The following MICAL1 variants were observed in gnomAD, a reference collection of about 807,000 sequenced individuals.
MICAL1 encodes the protein [F-actin]-monooxygenase MICAL1.
Under a neutral mutation model 131.8 loss-of-function variants are expected in MICAL1, and 95 were observed. The ratio of observed to expected loss-of-function variants is 0.72; its 90% CI spans 0.61 to 0.86. MICAL1 has a LOEUF of 0.86. Among genes scored for constraint, MICAL1 ranks in the 40% least tolerant of loss-of-function variants. The pLI, the probability that MICAL1 is intolerant of heterozygous loss-of-function variation, is 0.00. For synonymous variants in MICAL1, 546 were observed against 554.2 expected, an observed-to-expected ratio of 0.99 and a Z score of 0.21; for missense variants, 1,292 against 1,380.6, an observed-to-expected ratio of 0.94 and a Z score of 1.02.
In MICAL1 at chr6:109,445,587, G is replaced by A. The variant is rs190431572; in HGVS notation, c.2674-58C>T. The A allele has an allele frequency of 1.8e-5, 28 of 1,595,230 alleles. No individual in the cohort carries two copies. In the Admixed American group the frequency reaches 2.5e-4, roughly 14 times the overall value. Reference sequence around the variant, plus strand: ...CCTGGGCCCCCTGGTGGATAGGAGTGTTGTTTGGAAAGGCAGAAAATAACC... The same window carrying A: ...CCTGGGCCCCCTGGTGGATAGGAGTATTGTTTGGAAAGGCAGAAAATAACC... On this transcript the variant is annotated intron_variant, in intron 20 of 24. Coordinates refer to ENST00000358807, the MANE Select transcript of MICAL1 (RefSeq NM_022765.4).
intron 16 of MICAL1, 29 bp downstream of exon 16, chr6:109,447,306 CCTGCCCTGCCCTCCCCGGGCCT>C (rs772922476): frequency 3.7e-6 from 6 of 1,613,852 alleles, no homozygotes; most frequent in Non-Finnish European, 5.1e-6. Flanking sequence ...ATGAAACGCC[CCTGCCCTGCCCTCCCCGGGCCT>C]CTGCCTGCAC....
chr6:109,449,666 G>T lies in MICAL1; in HGVS notation c.1425C>A (p.Thr475=). ...GTGTCGGGGGTCTGACCTGATTGGG[G>T]GTCACTGCCCGGAGGTTCAGGTTGG... ...RYPNLNLRAV[T]PNQVRDLYDV... The change falls in exon 10 of 25, where the codon ACC becomes ACA. Residue 475 remains threonine (T), a synonymous_variant. Coordinates refer to ENST00000358807, the MANE Select transcript of MICAL1 (RefSeq NM_022765.4). 1 of 1,581,866 alleles carries T rather than the reference G, an allele frequency of 6.3e-7. No individual in the cohort carries two copies.
At chr6:109,451,920 G>T in intron 6 of MICAL1, 1 of 1,387,666 alleles carries the variant, frequency 7.2e-7, no homozygotes, top group Non-Finnish European at 9.3e-7. Context: ...TTGGAGGGGG[G>T]TGGCATTTGG....
chr6:109,447,791 C>T, intron 14 of MICAL1, 69 bp from the exon 15 acceptor site: 1 of 1,612,360 alleles, frequency 6.2e-7, no homozygotes, highest in Non-Finnish European at 8.5e-7. Context: ...TTCTGAATGT[C>T]CTCACCATCA....
Position 109,444,729 on chromosome 6 carries a change from C to T in MICAL1, c.3051G>A (p.Arg1017=). ...TTCTCCCCACATTTCACCTACCTTC[C>T]CGGTTCATGTAGCCTCGTAGCTCCT... is the stretch of plus-strand genomic sequence containing the variant. ...LDQELRGYMN[R]EENLKTAADR... Residue 1017 remains arginine (R), a synonymous_variant, in exon 24 of 25, where the codon CGG becomes CGA. Coordinates refer to ENST00000358807, the MANE Select transcript of MICAL1 (RefSeq NM_022765.4). 1 of 1,614,092 alleles carries T rather than the reference C, an allele frequency of 6.2e-7. No homozygotes were observed. Among genetic ancestry groups the T allele is most frequent in the Non-Finnish European group, 8.5e-7 (1 of 1,180,022 alleles).
In MICAL1 at chr6:109,447,884, G is replaced by C; in HGVS notation, c.1935C>G (p.Ser645=). The C allele has an allele frequency of 6.2e-7, 1 of 1,613,318 alleles. No homozygotes were observed. Among genetic ancestry groups the C allele is most frequent in the South Asian group, 1.1e-5 (1 of 90,998 alleles). Residue 645 remains serine, a synonymous_variant, in exon 14 of 25, where the codon TCC becomes TCG. Transcript: ENST00000358807. ...LSKLQRTLQR[S]RAKENAEDAG... is the part of the protein sequence containing the mutation. ...TGCCTAAACTCTCCACCTTGGCCCG[G>C]GATCGCTGCAGGGTCCTCTGAAGTT... is the stretch of plus-strand genomic sequence containing the variant.
At position 109,455,711 on chromosome 6, in the gene MICAL1, C is replaced by T. The variant is rs1347044517; in HGVS notation, c.-44+8G>A. 4 of 982,490 alleles carry T rather than the reference C, an allele frequency of 4.1e-6. No individual in the cohort carries two copies. Among genetic ancestry groups the T allele is most frequent in the Non-Finnish European group, 4.8e-6 (4 of 829,640 alleles). 60.9% of individuals were successfully genotyped at this position (982,490 alleles called of 1,614,324 possible). On this transcript the variant is annotated splice_region_variant and intron_variant, in intron 1 of 24. Coordinates refer to ENST00000358807, the MANE Select transcript of MICAL1 (RefSeq NM_022765.4). The surrounding 1 kb of genome is among the most constrained non-coding windows in gnomAD (Gnocchi z 4.7). ...GGGGCTCGCAGCCGGCTCCGCTGGA[C>T]GACTTACCGGCGGCTCCGAAGCCGG...
intron 20 of MICAL1, 35 bp downstream of exon 20, chr6:109,445,736 G>GGAGGAACTGAGAAGAATGGAGC: frequency 6.3e-7 from 1 of 1,594,438 alleles, no homozygotes; most frequent in Non-Finnish European, 8.6e-7. Flanking sequence ...TAGTGGGCTG[G>GGAGGAACTGAGAAGAATGGAGC]AGAGCGTTTT....
rs1775109314 is a variant in MICAL1, at chr6:109,444,339, T to C, written c.3056A>G (p.Glu1019Gly). Reference sequence around the variant, plus strand: ...CCGATCAGCAGCTGTCTTTAGGTTTTCTAAAAGGAGGAGACAAAGCTTAGA... The same window carrying C: ...CCGATCAGCAGCTGTCTTTAGGTTTCCTAAAAGGAGGAGACAAAGCTTAGA... Reference protein sequence around the residue: ...QELRGYMNREENLKTAADRQA... With the variant: ...QELRGYMNREGNLKTAADRQA... The change falls in exon 25 of 25, where the codon GAA (glutamate) becomes GGA (glycine). Residue 1019 changes from glutamate (E) to glycine (G), a missense_variant and splice_region_variant. Transcript: ENST00000358807. 6.2e-7 allele frequency: 1 copy of C among 1,613,368 alleles called. No homozygotes were observed. Among genetic ancestry groups the C allele is most frequent in the African/African-American group, 1.3e-5 (1 of 75,030 alleles).
chr6:109,451,285 C>T (rs1455109833), intron 7 of MICAL1, among the ~76,000 whole-genome samples: 3 of 152,070 alleles, frequency 2.0e-5, no homozygotes, highest in Admixed American at 6.6e-5. Flanking sequence ...TCCCTAGTAG[C>T]TGGGATTACA....
Position 109,452,580 on chromosome 6 carries a change from G to A in MICAL1, c.607C>T (p.Pro203Ser), listed in dbSNP as rs1775588942. 7 of 1,613,606 alleles carry A rather than the reference G, an allele frequency of 4.3e-6. No homozygotes were observed. Among genetic ancestry groups the A allele is most frequent in the Non-Finnish European group, 5.1e-6 (6 of 1,179,922 alleles). Reference protein sequence around the residue: ...GWRAQLQPNPPAQLANYEFDV... With the variant: ...GWRAQLQPNPSAQLANYEFDV... ...AATTCATAGTTGGCCAGCTGGGCAG[G>A]GGGGTTGGGTTGGAGCTGGGCACGC... Residue 203 changes from proline (P) to serine (S), a missense_variant, in exon 5 of 25, where the codon CCT becomes TCT. Coordinates refer to ENST00000358807, the MANE Select transcript of MICAL1 (RefSeq NM_022765.4).
chr6:109,452,182 G>T, intron 6 of MICAL1, 64 bp downstream of exon 6: 1 of 1,553,554 alleles, frequency 6.4e-7, no homozygotes, highest in South Asian at 1.2e-5. Flanking sequence ...GTTTGGAAGG[G>T]AGAGGCAGGA....
rs987573139 is a variant in MICAL1, at chr6:109,444,670, AG to A, written c.3055+54del. 28 of 1,587,362 alleles carry A rather than the reference AG, an allele frequency of 1.8e-5. No individual in the cohort carries two copies. In the African/African-American group the frequency reaches 3.6e-4, roughly 21 times the overall value. On this transcript the variant is annotated intron_variant, in intron 24 of 24. Coordinates refer to ENST00000358807, the MANE Select transcript of MICAL1 (RefSeq NM_022765.4). ...TGCTTGGTCAGTATCTGAGATCATG[AG>A]GCTTGCATGACACATCCCTGGGATG...
rs1159674897 is a variant in MICAL1 at position 109,452,581 on chromosome 6, G to A, written c.606C>T (p.Pro202=). 2 of 1,613,560 alleles carry A rather than the reference G, an allele frequency of 1.2e-6. No homozygotes were observed. The highest frequency in any genetic ancestry group is 2.2e-5 in the South Asian group (2 of 91,052). Residue 202 remains proline, a synonymous_variant, in exon 5 of 25, where the codon CCC becomes CCT. Transcript: ENST00000358807. ...ATTCATAGTTGGCCAGCTGGGCAGG[G>A]GGGTTGGGTTGGAGCTGGGCACGCC... is the stretch of plus-strand genomic sequence containing the variant. ...SGWRAQLQPN[P]PAQLANYEFD... is the part of the protein sequence containing the mutation.
chr6:109,449,889 T>C, intron 9 of MICAL1, 81 bp downstream of exon 9: 4 of 1,589,856 alleles, frequency 2.5e-6, no homozygotes, highest in Non-Finnish European at 3.4e-6. Flanking sequence ...CCTCCGTCTA[T>C]TCACTCAGCA....
rs1390125053 is a variant in MICAL1, at chr6:109,444,062, T to C, written c.*129A>G. 3.6e-5 allele frequency: 53 copies of C among 1,477,716 alleles called. No homozygotes were observed. The highest frequency in any genetic ancestry group is 4.7e-5 in the Non-Finnish European group (52 of 1,110,092). 91.5% of individuals were successfully genotyped at this position (1,477,716 alleles called of 1,614,324 possible). A position where few individuals can be genotyped will look rare whatever the true frequency, so the allele number is the denominator to read the frequency against. ...CCACCTGTAGGCGGTGTGAACGCTG[T>C]TTGTGGCAGAAACATTTTAATTGTA... On this transcript the variant is annotated 3_prime_UTR_variant, in exon 25 of 25. Coordinates refer to ENST00000358807, the MANE Select transcript of MICAL1 (RefSeq NM_022765.4).
chr6:109,445,613 C>A, intron 20 of MICAL1, 84 bp from the exon 21 acceptor site: 2 of 1,555,832 alleles, frequency 1.3e-6, no homozygotes, highest in Non-Finnish European at 8.8e-7. Flanking sequence ...GAAAATAACC[C>A]GTGCTGAAGT....
chr6:109,456,394 C>T (rs1400811297), upstream of MICAL1, among the ~76,000 whole-genome samples: 5 of 152,226 alleles, frequency 3.3e-5, no homozygotes, highest in Non-Finnish European at 7.3e-5. Context: ...GAGTGCGCCT[C>T]CTGTGACAGA....
rs778724615 is a variant in MICAL1 at position 109,453,735 on chromosome 6, GT to G, written c.368del (p.Asn123ThrfsTer43). The G allele has an allele frequency of 6.8e-6, 11 of 1,613,838 alleles. No individual in the cohort carries two copies. Among genetic ancestry groups the G allele is most frequent in the Non-Finnish European group, 9.3e-6 (11 of 1,180,022 alleles). ...TGGTGAAGGGCCAGAGGTGGAGCAC[GT>G]TGTGGCGAGAGAACTTGGTGCGCTT... ...VEKRTKFSRH[N>X]VLHLWPFTIH... On this transcript the variant is annotated frameshift_variant, in exon 3 of 25. Transcript: ENST00000358807. LOFTEE classifies it high-confidence loss of function.
Sources: allele counts gnomAD v4.1 joint callset (sites outside exome capture counted in the v4.1 genomes callset), GRCh38; gene constraint gnomAD v4.1.1; non-coding constraint Gnocchi (gnomAD v3.1); transcripts MANE v1.5; gene names NCBI Gene and HGNC (gene_info 2026-07-23, HGNC 2026-07-21).